MYO1D: variants seen among roughly 807,000 people sequenced by gnomAD.
The protein encoded by MYO1D is unconventional myosin-Id.
In MYO1D, 83 loss-of-function variants were observed where a neutral mutation model predicts 122.0. That is an observed-to-expected ratio of 0.68 (90% confidence interval 0.57 to 0.82). The LOEUF is 0.82. Among genes scored for constraint, MYO1D ranks in the 40% least tolerant of loss-of-function variants. The probability of loss-of-function intolerance (pLI) is 0.00; values close to 1 mark genes in which losing one functional copy is unlikely to be tolerated. For synonymous variants in MYO1D, 464 were observed against 446.9 expected, an observed-to-expected ratio of 1.04 and a Z score of -0.48; for missense variants, 1,157 against 1,269.5, an observed-to-expected ratio of 0.91 and a Z score of 1.35.
At chr17:32,678,531 A>G (rs1031565725) in intron 16 of MYO1D, among the ~76,000 whole-genome samples, 3 of 150,792 alleles carry the variant, frequency 2.0e-5, no homozygotes, top group Admixed American at 6.6e-5. Context: ...TTCTTGCGAT[A>G]GTTTACTGAG....
At chr17:32,832,461 A>G (rs62070182) in intron 1 of MYO1D, among the ~76,000 whole-genome samples, 3,745 of 151,924 alleles carry the variant, frequency 0.025, 69 homozygotes, top group Non-Finnish European at 0.037. Context: ...CACCACGCCC[A>G]GCTAATTTTT....
At chr17:32,753,468 C>T (rs77511531) in intron 11 of MYO1D, among the ~76,000 whole-genome samples, 2,226 of 152,310 alleles carry the variant, frequency 0.015, 44 homozygotes, top group African/African-American at 0.048. Flanking sequence ...GAAAGAGCCA[C>T]TTGGTCTGAA....
chr17:32,520,644 C>G (rs894190806), intron 21 of MYO1D, among the ~76,000 whole-genome samples: 1 of 152,206 alleles, frequency 6.6e-6, no homozygotes, highest in African/African-American at 2.4e-5. Context: ...TGCTGTGGGG[C>G]TCCCCCGATA....
intron 21 of MYO1D, among the ~76,000 whole-genome samples, chr17:32,563,621 T>G (rs951191931): frequency 6.6e-6 from 1 of 152,222 alleles, no homozygotes; most frequent in African/African-American, 2.4e-5. Context: ...AGAACTATAA[T>G]TGCAATGAAA....
intron 14 of MYO1D, among the ~76,000 whole-genome samples, chr17:32,728,506 G>A (rs1416914139): frequency 2.0e-5 from 3 of 151,988 alleles, no homozygotes; most frequent in Admixed American, 6.6e-5. Flanking sequence ...GCGCCCGGCT[G>A]CAAATTATTT....
At chr17:32,666,135 T>C (rs1363592256) in intron 16 of MYO1D, among the ~76,000 whole-genome samples, 3 of 152,190 alleles carry the variant, frequency 2.0e-5, no homozygotes, top group Non-Finnish European at 4.4e-5. Context: ...GGGAGAGACC[T>C]AGTGTCTAAT....
rs138378950 is a variant in MYO1D at position 32,718,876 on chromosome 17, A to G, written c.1913+2147T>C. Among the ~76,000 whole-genome samples the G allele has an allele frequency of 5.6e-3, 849 of 152,176 alleles. 6 individuals are homozygous for G. Among genetic ancestry groups the G allele is most frequent in the Admixed American group, 0.011 (173 of 15,298 alleles). On this transcript the variant is annotated intron_variant, in intron 15 of 21. Transcript: ENST00000318217. The stretch of plus-strand genomic sequence containing the variant: ...TCACTATCCAGTCCCGAGACTTTCT[A>G]TGTAATCTATGTTACCAGTGACTCC...
chr17:32,759,330 G>A (rs2089977927), intron 10 of MYO1D, among the ~76,000 whole-genome samples: 1 of 151,942 alleles, frequency 6.6e-6, no homozygotes, highest in Non-Finnish European at 1.5e-5. Flanking sequence ...AAAGCTATTT[G>A]TTATATCACT....
chr17:32,651,613 C>G (rs1275015165), intron 19 of MYO1D, among the ~76,000 whole-genome samples: 1 of 150,978 alleles, frequency 6.6e-6, no homozygotes, highest in African/African-American at 2.4e-5. Flanking sequence ...TGTCCACTGT[C>G]TTGAAAACCA....
intron 2 of MYO1D, among the ~76,000 whole-genome samples, chr17:32,778,914 A>T (rs150162759): frequency 7.2e-5 from 11 of 152,356 alleles, no homozygotes; most frequent in African/African-American, 2.6e-4. Flanking sequence ...GAAATGAAAT[A>T]AGGTAGTGAG....
Position 32,771,137 on chromosome 17 carries a change from TC to T in MYO1D, c.701del (p.Gly234GlufsTer4). 6.2e-7 allele frequency: 1 copy of T among 1,602,942 alleles called. No individual in the cohort carries two copies. Among genetic ancestry groups the T allele is most frequent in the Non-Finnish European group, 8.5e-7 (1 of 1,170,188 alleles). Reference sequence around the variant, plus strand: ...AGGAAATTCTCACCTTTAATTGAGCTCCCACATGAATATAGTTGTAGGATGA... The same window carrying T: ...AGGAAATTCTCACCTTTAATTGAGCTCCACATGAATATAGTTGTAGGATGA... Reference protein sequence around the residue: ...SLSSYNYIHVGAQLKSSINDA... With the variant: ...SLSSYNYIHVXAQLKSSINDA... On this transcript the variant is annotated frameshift_variant, in exon 6 of 22. Transcript: ENST00000318217. LOFTEE classifies it high-confidence loss of function.
intron 1 of MYO1D, among the ~76,000 whole-genome samples, chr17:32,834,712 C>T (rs1438315367): frequency 1.3e-5 from 2 of 152,204 alleles, no homozygotes; most frequent in Non-Finnish European, 2.9e-5. Flanking sequence ...AAACACTGTT[C>T]CTTTTCTTAA....
At chr17:32,830,405 TA>T (rs2090760676) in intron 1 of MYO1D, 1 of 152,196 alleles carries the variant, frequency 6.6e-6, no homozygotes, top group African/African-American at 2.4e-5. Context: ...AACAGCATAG[TA>T]CCCCCAGGAG....
chr17:32,856,553 C>T (rs1394717499), intron 1 of MYO1D, among the ~76,000 whole-genome samples: 1 of 152,214 alleles, frequency 6.6e-6, no homozygotes, highest in Non-Finnish European at 1.5e-5. Flanking sequence ...TGAAAGTCAT[C>T]AATGCCCTCT....
chr17:32,721,172 A>G lies in MYO1D; in HGVS notation c.1764T>C (p.Arg588=). ...ATTTCTTGTCATTGGGTTTGATGCAACGAACGTAATATGGTTCCTAAAGAA... is the reference window on the plus strand; with the variant it reads ...ATTTCTTGTCATTGGGTTTGATGCAGCGAACGTAATATGGTTCCTAAAGAA... ...NLASKEPYYV[R]CIKPNDKKSP... The change falls in exon 15 of 22, where the codon CGT becomes CGC. Residue 588 remains arginine, a synonymous_variant. Coordinates refer to ENST00000318217, the MANE Select transcript of MYO1D (RefSeq NM_015194.3). The G allele has an allele frequency of 6.2e-7, 1 of 1,613,816 alleles. No individual in the cohort carries two copies. The highest frequency in any genetic ancestry group is 8.5e-7 in the Non-Finnish European group (1 of 1,179,866).
intron 8 of MYO1D, among the ~76,000 whole-genome samples, chr17:32,761,758 A>G (rs1403078058): frequency 6.6e-6 from 1 of 152,218 alleles, no homozygotes; most frequent in Non-Finnish European, 1.5e-5. Context: ...AATGGCTCAC[A>G]GCCATCTCAA....
chr17:32,644,126 C>T (rs1202648502), intron 19 of MYO1D, among the ~76,000 whole-genome samples: 5 of 151,986 alleles, frequency 3.3e-5, no homozygotes, highest in Non-Finnish European at 7.4e-5. Context: ...TCTTTGTTCT[C>T]GTTGGTTTCA....
chr17:32,608,127 A>G (rs893609464), intron 20 of MYO1D, among the ~76,000 whole-genome samples: 3 of 152,224 alleles, frequency 2.0e-5, no homozygotes, highest in Admixed American at 6.5e-5. Flanking sequence ...AAGCAAAAAA[A>G]TTGATAAATT....
intron 1 of MYO1D, among the ~76,000 whole-genome samples, chr17:32,826,069 A>T (rs868807966): frequency 5.6e-5 from 8 of 141,760 alleles, no homozygotes; most frequent in African/African-American, 1.9e-4. Context: ...AAAAAAAAAA[A>T]GTGTATTACT....
Sources: allele counts gnomAD v4.1 joint callset (sites outside exome capture counted in the v4.1 genomes callset), GRCh38; gene constraint gnomAD v4.1.1; transcripts MANE v1.5; gene names NCBI Gene and HGNC (gene_info 2026-07-23, HGNC 2026-07-21).